RBM10: variants seen among roughly 807,000 people sequenced by gnomAD.
The protein encoded by RBM10 is RNA-binding protein 10.
A neutral mutation model predicts 84.9 loss-of-function variants in RBM10; 1 was observed. That is an observed-to-expected ratio of 0.01 (90% CI 0.00 to 0.06). The LOEUF is 0.06. Ranked by LOEUF, RBM10 falls within the 10% of genes least tolerant of loss-of-function variation. The pLI is 1.00. For synonymous variants in RBM10, 326 were observed against 344.5 expected (o/e 0.95, Z 0.60); for missense variants, 438 against 839.0 (o/e 0.52, Z 5.90).
rs782490122 is a variant in RBM10, at chrX:47,147,501, G to A, written c.17+3G>A. ...CAGGACATGGAGTATGAAAGACGGT[G>A]AGTTATCTGTTCTCAGCTTCCCAGA... On this transcript the variant is annotated splice_donor_region_variant and intron_variant, in intron 2 of 23. Coordinates refer to ENST00000377604, the MANE Select transcript of RBM10 (RefSeq NM_005676.5). 13 of 1,209,762 alleles carry A rather than the reference G, an allele frequency of 1.1e-5. No individual in the cohort carries two copies. In the East Asian group the frequency reaches 3.3e-4, roughly 30 times the overall value.
chrX:47,183,687 T>TTTTA lies in RBM10; in HGVS notation c.1951-1353_1951-1350dup, dbSNP rs1211315063. Among the ~76,000 whole-genome samples, 6 of 110,902 alleles carry TTTTA rather than the reference T, an allele frequency of 5.4e-5. No individual in the cohort carries two copies. The South Asian group carries it at 1.1e-3, about 21-fold the overall frequency. On this transcript the variant is annotated intron_variant, in intron 17 of 23. Coordinates refer to ENST00000377604, the MANE Select transcript of RBM10 (RefSeq NM_005676.5). ...TGCATGTAACAAAAGCACTTGTTTA[T>TTTTA]TTTATTTATTTATTTATTATTTTTT...
At chrX:47,152,619 G>T (rs782602526) in intron 2 of RBM10, among the ~76,000 whole-genome samples, 1 of 105,350 alleles carries the variant, frequency 9.5e-6, no homozygotes, top group East Asian at 3.0e-4. Context: ...GCTAATTTTT[G>T]TATTTTTATT....
At chrX:47,158,966 C>G (rs926564328) in intron 2 of RBM10, among the ~76,000 whole-genome samples, 3 of 112,696 alleles carry the variant, frequency 2.7e-5, no homozygotes, top group Non-Finnish European at 5.6e-5. Context: ...GGATAACAGC[C>G]TCCAGCTCCA....
At chrX:47,149,738 A>G in intron 2 of RBM10, among the ~76,000 whole-genome samples, 1 of 110,711 alleles carries the variant, frequency 9.0e-6, no homozygotes, top group East Asian at 2.8e-4. Flanking sequence ...CAAGGGCATC[A>G]TGGGGCATGT....
At chrX:47,147,206 C>T in intron 1 of RBM10, 151 bp from the exon 2 acceptor site, 2 of 602,622 alleles carry the variant, frequency 3.3e-6, no homozygotes, top group Non-Finnish European at 5.4e-6. Flanking sequence ...GTAGGGGCTA[C>T]CTTCATACTG....
intron 2 of RBM10, among the ~76,000 whole-genome samples, chrX:47,156,486 C>A (rs1364918162): frequency 9.0e-6 from 1 of 111,400 alleles, no homozygotes; most frequent in Non-Finnish European, 1.9e-5. Flanking sequence ...CTTCCCCCAA[C>A]CCTCATTTAG....
intron 2 of RBM10, among the ~76,000 whole-genome samples, chrX:47,148,135 G>C (rs7054017): frequency 3.6e-5 from 4 of 111,739 alleles, no homozygotes; most frequent in African/African-American, 1.3e-4. Flanking sequence ...AGAGTCAATA[G>C]CTTTATAAAA....
rs1180874041 is a variant in RBM10, at chrX:47,169,412, A to G, written c.115A>G (p.Met39Val). The G allele has an allele frequency of 3.3e-5, 40 of 1,210,525 alleles. No individual in the cohort carries two copies. Among genetic ancestry groups the G allele is most frequent in the Non-Finnish European group, 4.4e-5 (39 of 895,212 alleles). ...CAGCCGAGACCACGACTACCGGGACATGGACTACCGTTCATATCCTCGCGA... is the reference window on the plus strand; with the variant it reads ...CAGCCGAGACCACGACTACCGGGACGTGGACTACCGTTCATATCCTCGCGA... ...NRSRDHDYRD[M>V]DYRSYPREYG... is the part of the protein sequence containing the mutation. Residue 39 changes from methionine to valine, a missense_variant, in exon 3 of 24, where the codon ATG (methionine) becomes GTG (valine). Physicochemically the swap from Met to Val is conservative, Grantham distance 21. Coordinates refer to ENST00000377604, the MANE Select transcript of RBM10 (RefSeq NM_005676.5).
intron 13 of RBM10, 33 bp from the exon 14 acceptor site, chrX:47,181,471 TCAC>T: frequency 8.3e-7 from 1 of 1,211,017 alleles, no homozygotes; most frequent in Non-Finnish European, 1.1e-6. Context: ...GCCCCATTAT[TCAC>T]AGGCATTGTC....
At chrX:47,183,476 G>A (rs781808761) in intron 17 of RBM10, among the ~76,000 whole-genome samples, 6 of 109,712 alleles carry the variant, frequency 5.5e-5, no homozygotes, top group Middle Eastern at 4.8e-3. Context: ...AGCTGAGATC[G>A]TGCCATTGCA....
chrX:47,185,012 G>T (rs925909023), intron 17 of RBM10, 43 bp from the exon 18 acceptor site: 48 of 1,183,124 alleles, frequency 4.1e-5, no homozygotes, highest in Non-Finnish European at 5.2e-5. Context: ...TAGCCCCAGG[G>T]TCATGAGGGT....
chrX:47,156,040 C>T lies in RBM10; in HGVS notation c.17+8542C>T, dbSNP rs1933114741. The stretch of plus-strand genomic sequence containing the variant: ...CTCAGGCTGGTCTCAAACTCCCGAC[C>T]TCAGGTGATCTGCCTGCCTCGGCCT... On this transcript the variant is annotated intron_variant, in intron 2 of 23. Transcript: ENST00000377604. Among the ~76,000 whole-genome samples the T allele has an allele frequency of 5.5e-5, 6 of 109,863 alleles. No homozygotes were observed. In the Admixed American group the frequency reaches 5.9e-4, roughly 11 times the overall value.
At chrX:47,146,745 A>C (rs1403871963) in intron 1 of RBM10, among the ~76,000 whole-genome samples, 1 of 111,575 alleles carries the variant, frequency 9.0e-6, no homozygotes, top group East Asian at 2.8e-4. Context: ...GGGCTGAGCC[A>C]GTTGCTGTGT....
chrX:47,160,946 CTTTA>C (rs1311104207), intron 2 of RBM10, among the ~76,000 whole-genome samples: 1 of 111,018 alleles, frequency 9.0e-6, no homozygotes, highest in Non-Finnish European at 1.9e-5. Context: ...TCCAGTAAAA[CTTTA>C]TTTAATTAAT....
intron 17 of RBM10, among the ~76,000 whole-genome samples, chrX:47,184,430 C>T (rs1362469185): frequency 8.9e-6 from 1 of 112,725 alleles, no homozygotes; most frequent in Admixed American, 9.4e-5. Context: ...TGCACTCAGC[C>T]GGGATAAAGG....
In RBM10 at chrX:47,186,699, C is replaced by T; in HGVS notation, c.*100C>T. The T allele has an allele frequency of 2.9e-6, 3 of 1,046,239 alleles. No homozygotes were observed. Among genetic ancestry groups the T allele is most frequent in the Non-Finnish European group, 4.0e-6 (3 of 751,610 alleles). The allele number at this position is 1,046,239 out of a possible 1,213,427, so 86.2% of individuals were successfully genotyped here. A position where few individuals can be genotyped will look rare whatever the true frequency, so the allele number is the denominator to read the frequency against. Reference sequence around the variant, plus strand: ...GGGACGGGGCCTTGCTCTTGTCGGCCAGCCCACTCCCCAGCCAGAGAGGGC... The same window carrying T: ...GGGACGGGGCCTTGCTCTTGTCGGCTAGCCCACTCCCCAGCCAGAGAGGGC... On this transcript the variant is annotated 3_prime_UTR_variant, in exon 24 of 24. Coordinates refer to ENST00000377604, the MANE Select transcript of RBM10 (RefSeq NM_005676.5).
chrX:47,183,268 C>T (rs1375715344), intron 17 of RBM10, among the ~76,000 whole-genome samples: 1 of 112,186 alleles, frequency 8.9e-6, no homozygotes, highest in East Asian at 2.8e-4. Context: ...TGCCTGTAAT[C>T]CCAGCAGTTT....
In RBM10 at chrX:47,179,248, T is replaced by C. The variant is rs1182352848; in HGVS notation, c.725-71T>C. 5 of 1,185,175 alleles carry C rather than the reference T, an allele frequency of 4.2e-6. No homozygotes were observed. The African/African-American group carries it at 8.9e-5, about 21-fold the overall frequency. On this transcript the variant is annotated intron_variant, in intron 8 of 23. Transcript: ENST00000377604. ...TGAGGGGTCTGTGCTCAGGGCTTGG[T>C]ATAGGGAGGAGGGTGACCAGTCGTG... is the stretch of plus-strand genomic sequence containing the variant.
In RBM10 at chrX:47,181,385, G is replaced by A. The variant is rs2147186187; in HGVS notation, c.1419G>A (p.Gly473=). Residue 473 remains glycine (G), a synonymous_variant, in exon 13 of 24, where the codon GGG becomes GGA. Coordinates refer to ENST00000377604, the MANE Select transcript of RBM10 (RefSeq NM_005676.5). ...TKGPGITGTK[G]DPTGAGPEAS... ...GCCCTGGCATCACTGGAACCAAAGG[G>A]GATCCCACTGGAGCAGGTGAGCCCC... is the stretch of plus-strand genomic sequence containing the variant. The A allele has an allele frequency of 1.7e-6, 2 of 1,207,216 alleles. No individual in the cohort carries two copies. Among genetic ancestry groups the A allele is most frequent in the South Asian group, 1.8e-5 (1 of 56,334 alleles).
Sources: allele counts gnomAD v4.1 joint callset (sites outside exome capture counted in the v4.1 genomes callset), GRCh38; gene constraint gnomAD v4.1.1; transcripts MANE v1.5; gene names NCBI Gene and HGNC (gene_info 2026-07-23, HGNC 2026-07-21).